The following GLIS3 variants were observed in gnomAD, a reference collection of about 807,000 sequenced individuals.
GLIS3 encodes zinc finger protein GLIS3.
Under a neutral mutation model 78.6 loss-of-function variants are expected in GLIS3, and 53 were observed. The observed-to-expected ratio is 0.67, with a 90% CI of 0.54 to 0.85. The LOEUF (loss-of-function observed/expected upper bound fraction) is 0.85. GLIS3 is among the 40% of genes least tolerant of loss of function. GLIS3 has a pLI of 0.00. For synonymous variants in GLIS3, 684 were observed against 509.9 expected (o/e 1.34, Z -4.60); for missense variants, 1,703 against 1,231.1 (o/e 1.38, Z -5.74).
the GLIS3 span, among the ~76,000 whole-genome samples, chr9:4,420,509 C>G: frequency 6.6e-6 from 1 of 152,152 alleles, no homozygotes; most frequent in African/African-American, 2.4e-5. Context: ...TCACGTTAAG[C>G]AAGCCAATAA....
At chr9:3,980,534 C>G (rs540528939) in intron 4 of GLIS3, among the ~76,000 whole-genome samples, 1 of 152,286 alleles carries the variant, frequency 6.6e-6, no homozygotes, top group Admixed American at 6.5e-5. Context: ...TCCCAGATGA[C>G]CTTGCTGTGT....
the GLIS3 span, among the ~76,000 whole-genome samples, chr9:4,362,694 C>A: frequency 1.3e-5 from 2 of 152,192 alleles, no homozygotes; most frequent in African/African-American, 2.4e-5. Context: ...CCTCAGGTAA[C>A]GCCCCATCAA....
the GLIS3 span, among the ~76,000 whole-genome samples, chr9:4,466,271 G>A: frequency 3.9e-5 from 6 of 152,180 alleles, no homozygotes; most frequent in Admixed American, 6.5e-5. Flanking sequence ...TAGAAAACTC[G>A]AACTGCCCAA....
At position 4,118,992 on chromosome 9, in the gene GLIS3, C is replaced by T. The variant is rs1000094740; in HGVS notation, c.597-111G>A. 1.9e-5 allele frequency: 22 copies of T among 1,144,914 alleles called. No individual in the cohort carries two copies. The highest frequency in any genetic ancestry group is 2.8e-5 in the Non-Finnish European group (22 of 796,024). The allele number at this position is 1,144,914 out of a possible 1,614,324, so 70.9% of individuals were successfully genotyped here. On this transcript the variant is annotated intron_variant, in intron 3 of 10. Coordinates refer to ENST00000381971, the MANE Select transcript of GLIS3 (RefSeq NM_001042413.2). This position sits in a 1 kb window ranked among gnomAD's most constrained non-coding sequence, Gnocchi z 4.7. ...ATTGACAATCCCTTAAGTATTTCCC[C>T]TAATTACATTCTGTGCTAAACACAC...
chr9:4,103,831 A>G (rs917602515), intron 4 of GLIS3, among the ~76,000 whole-genome samples: 4 of 152,176 alleles, frequency 2.6e-5, no homozygotes, highest in Non-Finnish European at 4.4e-5. Flanking sequence ...AAGTATATTG[A>G]TGGCAGGCTA....
At chr9:4,114,959 G>C (rs1045644926) in intron 4 of GLIS3, among the ~76,000 whole-genome samples, 1 of 152,214 alleles carries the variant, frequency 6.6e-6, no homozygotes, top group Admixed American at 6.5e-5. Context: ...CCAGGGTTCT[G>C]ATAAGTCCAG....
At chr9:4,457,661 C>T in the GLIS3 span, among the ~76,000 whole-genome samples, 4 of 151,762 alleles carry the variant, frequency 2.6e-5, no homozygotes, top group East Asian at 1.9e-4. Context: ...TCCTGGCCAA[C>T]ATGGTGAAAC....
At chr9:3,880,780 A>T (rs1821678027) in intron 7 of GLIS3, among the ~76,000 whole-genome samples, 1 of 152,246 alleles carries the variant, frequency 6.6e-6, no homozygotes. Flanking sequence ...CAAGAGTTCA[A>T]GTATTTCAAG....
At chr9:3,855,691 T>TGTCA (rs1819735094) in intron 9 of GLIS3, 1 of 373,558 alleles carries the variant, frequency 2.7e-6, no homozygotes, top group Non-Finnish European at 5.2e-6. Flanking sequence ...CAAGAACTCC[T>TGTCA]GTCATTTCTT....
At chr9:4,459,353 C>T in the GLIS3 span, among the ~76,000 whole-genome samples, 1 of 152,170 alleles carries the variant, frequency 6.6e-6, no homozygotes, top group Non-Finnish European at 1.5e-5. Flanking sequence ...AGCCCTGGGG[C>T]TATCCAATCT....
chr9:4,327,168 A>C (rs1817613391), intron 2 of GLIS3, among the ~76,000 whole-genome samples: 1 of 152,048 alleles, frequency 6.6e-6, no homozygotes, highest in Admixed American at 6.5e-5. Flanking sequence ...AGAGGTGAGA[A>C]GGGAGAGTGT....
intron 4 of GLIS3, among the ~76,000 whole-genome samples, chr9:3,969,165 A>C (rs796275720): frequency 6.6e-6 from 1 of 152,344 alleles, no homozygotes; most frequent in African/African-American, 2.4e-5. Flanking sequence ...TGACCTGGCA[A>C]ACTGAACAAT....
At chr9:4,174,175 A>G (rs1261485225) in intron 2 of GLIS3, among the ~76,000 whole-genome samples, 1 of 152,252 alleles carries the variant, frequency 6.6e-6, no homozygotes, top group Non-Finnish European at 1.5e-5. Context: ...AAAGGTAACT[A>G]TAAGAATGCA....
intron 9 of GLIS3, among the ~76,000 whole-genome samples, chr9:3,848,161 G>T (rs991639813): frequency 5.3e-5 from 8 of 152,176 alleles, no homozygotes; most frequent in Non-Finnish European, 1.0e-4. Flanking sequence ...CAGTTATGAT[G>T]AAATTTTCTG....
chr9:4,193,669 A>G (rs1047127069), intron 2 of GLIS3, among the ~76,000 whole-genome samples: 8 of 152,350 alleles, frequency 5.3e-5, no homozygotes, highest in Admixed American at 2.6e-4. Context: ...GCTGTTTTGA[A>G]TAACTAGGGA....
At chr9:4,186,049 T>G (rs922065896) in intron 2 of GLIS3, among the ~76,000 whole-genome samples, 41 of 152,020 alleles carry the variant, frequency 2.7e-4, no homozygotes, top group African/African-American at 9.4e-4. Context: ...ATGTGCACAA[T>G]GCAGGTTAGT....
chr9:3,874,918 CT>C (rs1487962792), intron 8 of GLIS3, among the ~76,000 whole-genome samples: 33 of 152,210 alleles, frequency 2.2e-4, no homozygotes, highest in Middle Eastern at 3.2e-3. Context: ...CCTCCTTCAG[CT>C]CTATTACCTG....
intron 4 of GLIS3, among the ~76,000 whole-genome samples, chr9:4,019,494 T>C (rs1472022796): frequency 6.6e-6 from 1 of 152,196 alleles, no homozygotes; most frequent in Non-Finnish European, 1.5e-5. Context: ...GCCTACTATG[T>C]GCCACTTGCA....
chr9:3,924,788 GACAC>G (rs1457622327), intron 6 of GLIS3, among the ~76,000 whole-genome samples: 56 of 152,302 alleles, frequency 3.7e-4, no homozygotes, highest in African/African-American at 1.2e-3. Context: ...GAGATTTTAG[GACAC>G]TATATTTAGG....
Sources: allele counts gnomAD v4.1 joint callset (sites outside exome capture counted in the v4.1 genomes callset), GRCh38; gene constraint gnomAD v4.1.1; non-coding constraint Gnocchi (gnomAD v3.1); transcripts MANE v1.5; gene names NCBI Gene and HGNC (gene_info 2026-07-23, HGNC 2026-07-21).